ZNF385D: variants seen among roughly 807,000 people sequenced by gnomAD.
ZNF385D encodes the protein zinc finger protein 385D.
ZNF385D carries 15 observed loss-of-function variants against 35.8 expected under a neutral mutation model. The observed-to-expected ratio is 0.42, with a 90% CI of 0.28 to 0.64. The LOEUF (loss-of-function observed/expected upper bound fraction) is 0.64, where lower values mean the gene tolerates loss of function less well. ZNF385D is among the 30% of genes least tolerant of loss of function. The pLI, the probability that ZNF385D is intolerant of heterozygous loss-of-function variation, is 0.23. For synonymous variants in ZNF385D, 212 were observed against 186.8 expected (o/e 1.13, Z -1.10); for missense variants, 474 against 494.6 (o/e 0.96, Z 0.39).
chr3:21,591,387 G>A (rs1015224442), intron 2 of ZNF385D, among the ~76,000 whole-genome samples: 2 of 151,998 alleles, frequency 1.3e-5, no homozygotes, highest in Non-Finnish European at 2.9e-5. Context: ...CTCTCAGGAG[G>A]GGGGAACATC....
rs149792342 is a variant in ZNF385D, at chr3:21,413,352, A to G, written c.*7862T>C. On this transcript the variant is annotated 3_prime_UTR_variant, in exon 8 of 8. Transcript: ENST00000281523. ...AGTCAGACTTCCAGATACATTGATA[A>G]AGATGGAACAGGCAAGTTTGATGCC... The G allele has an allele frequency of 8.4e-4, 128 of 152,206 alleles. No homozygotes were observed. Among genetic ancestry groups the G allele is most frequent in the African/African-American group, 2.9e-3 (122 of 41,548 alleles). The allele number at this position is 152,206 out of a possible 1,614,324, so 9.4% of individuals were successfully genotyped here.
At chr3:22,125,475 T>C (rs1460695650) in intron 3 of ZNF385D, among the ~76,000 whole-genome samples, 2 of 152,144 alleles carry the variant, frequency 1.3e-5, no homozygotes, top group Non-Finnish European at 2.9e-5. Context: ...CTGACAAGGA[T>C]TGCATTGAAC....
At chr3:22,140,384 G>A (rs1022716615) in intron 3 of ZNF385D, among the ~76,000 whole-genome samples, 4 of 152,116 alleles carry the variant, frequency 2.6e-5, no homozygotes, top group Non-Finnish European at 5.9e-5. Context: ...CAAAATTATA[G>A]CAATGGGGAA....
chr3:21,475,897 T>C (rs1167495202), intron 4 of ZNF385D, among the ~76,000 whole-genome samples: 2 of 152,136 alleles, frequency 1.3e-5, no homozygotes, highest in Non-Finnish European at 2.9e-5. Context: ...TTCCAGTGCA[T>C]TATTATGTAG....
intron 1 of ZNF385D, among the ~76,000 whole-genome samples, chr3:21,737,740 G>C (rs572062089): frequency 6.6e-6 from 1 of 152,224 alleles, no homozygotes; most frequent in Admixed American, 6.5e-5. Context: ...GGTCTAAAAG[G>C]GTCTAAAAGG....
At chr3:21,484,288 G>C (rs574847347) in intron 4 of ZNF385D, among the ~76,000 whole-genome samples, 1 of 152,154 alleles carries the variant, frequency 6.6e-6, no homozygotes, top group African/African-American at 2.4e-5. Flanking sequence ...GCCAGTAGAA[G>C]TGGTTCATAG....
At chr3:22,177,384 C>G (rs548490175) in intron 2 of ZNF385D, among the ~76,000 whole-genome samples, 8 of 152,194 alleles carry the variant, frequency 5.3e-5, no homozygotes, top group Admixed American at 4.6e-4. Flanking sequence ...TTATGTATAT[C>G]TGGTGAAAAG....
chr3:22,363,027 G>C (rs530339945), intron 2 of ZNF385D, among the ~76,000 whole-genome samples: 1 of 152,150 alleles, frequency 6.6e-6, no homozygotes, highest in African/African-American at 2.4e-5. Flanking sequence ...AATTATCCAG[G>C]GAAGTCCAAC....
At chr3:21,867,459 G>T (rs1697430665) in intron 3 of ZNF385D, among the ~76,000 whole-genome samples, 1 of 152,090 alleles carries the variant, frequency 6.6e-6, no homozygotes, top group Non-Finnish European at 1.5e-5. Flanking sequence ...GCTACTTTAG[G>T]AGTCTGTATT....
chr3:21,965,166 C>T (rs143606563), intron 3 of ZNF385D, among the ~76,000 whole-genome samples: 165 of 152,254 alleles, frequency 1.1e-3, no homozygotes, highest in African/African-American at 3.7e-3. Context: ...AAATTAATAT[C>T]TTATGTAACT....
chr3:21,875,802 A>G (rs370451966), intron 3 of ZNF385D, among the ~76,000 whole-genome samples: 1 of 145,902 alleles, frequency 6.9e-6, no homozygotes, highest in East Asian at 2.1e-4. Flanking sequence ...TTCCAGCTCT[A>G]TTTGTACAGC....
intron 2 of ZNF385D, among the ~76,000 whole-genome samples, chr3:22,201,700 G>C (rs1214019070): frequency 2.0e-5 from 3 of 151,780 alleles, no homozygotes; most frequent in Non-Finnish European, 4.4e-5. Flanking sequence ...TTAAACAAAT[G>C]ACCACATATT....
intron 3 of ZNF385D, among the ~76,000 whole-genome samples, chr3:21,947,924 G>C (rs891882247): frequency 1.3e-5 from 2 of 152,108 alleles, no homozygotes; most frequent in Non-Finnish European, 2.9e-5. Context: ...ATGAAGTAGA[G>C]AGCAAGATAC....
intron 3 of ZNF385D, among the ~76,000 whole-genome samples, chr3:21,817,520 G>T (rs994481900): frequency 5.9e-5 from 9 of 152,170 alleles, no homozygotes; most frequent in Admixed American, 5.9e-4. Flanking sequence ...TGAAGGATAT[G>T]AACAGACACT....
intron 3 of ZNF385D, among the ~76,000 whole-genome samples, chr3:22,035,605 T>C (rs987128588): frequency 2.0e-5 from 3 of 152,172 alleles, no homozygotes; most frequent in African/African-American, 7.2e-5. Context: ...ATGGTAGAAA[T>C]GTAGCAGAGG....
intron 2 of ZNF385D, among the ~76,000 whole-genome samples, chr3:22,266,509 A>C (rs990151716): frequency 6.6e-6 from 1 of 151,874 alleles, no homozygotes; most frequent in African/African-American, 2.4e-5. Flanking sequence ...AGATCTTCCT[A>C]ATTAATAATA....
intron 3 of ZNF385D, among the ~76,000 whole-genome samples, chr3:21,922,936 C>CA (rs1229344042): frequency 6.6e-6 from 1 of 152,062 alleles, no homozygotes; most frequent in Non-Finnish European, 1.5e-5. Flanking sequence ...GCTGAACAAA[C>CA]AAAAAACAAA....
At chr3:22,227,283 T>A (rs1231109318) in intron 2 of ZNF385D, among the ~76,000 whole-genome samples, 1 of 152,086 alleles carries the variant, frequency 6.6e-6, no homozygotes, top group African/African-American at 2.4e-5. Context: ...TGCTTTAGAC[T>A]CATAAGCAGG....
intron 2 of ZNF385D, among the ~76,000 whole-genome samples, chr3:21,627,899 A>G (rs1212290833): frequency 6.6e-6 from 1 of 152,164 alleles, no homozygotes; most frequent in Non-Finnish European, 1.5e-5. Context: ...TACTACAAAT[A>G]TAATCTTATC....
Sources: allele counts gnomAD v4.1 joint callset (sites outside exome capture counted in the v4.1 genomes callset), GRCh38; gene constraint gnomAD v4.1.1; transcripts MANE v1.5; gene names NCBI Gene and HGNC (gene_info 2026-07-23, HGNC 2026-07-21).